The following IMMP2L variants were observed in gnomAD, a reference collection of about 807,000 sequenced individuals.
IMMP2L encodes mitochondrial inner membrane protease subunit 2.
A neutral mutation model predicts 19.3 loss-of-function variants in IMMP2L; 18 were observed. The ratio of observed to expected loss-of-function variants is 0.93; its 90% CI spans 0.64 to 1.38. The LOEUF is 1.38. IMMP2L is among the 40% of genes most tolerant of loss of function. IMMP2L has a pLI of 0.00. For missense variants in IMMP2L, 233 were observed against 218.2 expected, an observed-to-expected ratio of 1.07 and a Z score of -0.43; for synonymous variants, 76 against 73.0, an observed-to-expected ratio of 1.04 and a Z score of -0.21.
At chr7:111,284,396 G>A (rs139477727) in intron 3 of IMMP2L, among the ~76,000 whole-genome samples, 83 of 152,188 alleles carry the variant, frequency 5.5e-4, no homozygotes, top group African/African-American at 1.9e-3. Flanking sequence ...CACCCATTGT[G>A]GCAGTTAGAC....
At chr7:111,033,572 G>C (rs1009513951) in intron 3 of IMMP2L, among the ~76,000 whole-genome samples, 1 of 152,100 alleles carries the variant, frequency 6.6e-6, no homozygotes, top group African/African-American at 2.4e-5. Flanking sequence ...AAACAACTAA[G>C]ATATCCTTCA....
At chr7:110,876,103 G>A (rs911652587) in intron 5 of IMMP2L, among the ~76,000 whole-genome samples, 1 of 152,040 alleles carries the variant, frequency 6.6e-6, no homozygotes, top group Admixed American at 6.6e-5. Flanking sequence ...ATGTGTTGAT[G>A]TATTGAAAAT....
At chr7:111,070,050 T>A (rs1286259844) in intron 3 of IMMP2L, among the ~76,000 whole-genome samples, 1 of 152,014 alleles carries the variant, frequency 6.6e-6, no homozygotes, top group East Asian at 1.9e-4. Context: ...CAACACAGAT[T>A]TACAGGTTGG....
intron 3 of IMMP2L, among the ~76,000 whole-genome samples, chr7:111,077,808 G>A (rs917131221): frequency 2.6e-5 from 4 of 152,108 alleles, no homozygotes; most frequent in African/African-American, 7.2e-5. Flanking sequence ...CAGGCCTCGC[G>A]TCCTAACACT....
chr7:110,898,116 TATA>T (rs1414697737), intron 4 of IMMP2L, among the ~76,000 whole-genome samples: 2 of 151,518 alleles, frequency 1.3e-5, no homozygotes, highest in East Asian at 3.9e-4. Context: ...TGTGGATTCA[TATA>T]AAAAGTAATT....
At chr7:111,228,622 G>T (rs184560030) in intron 3 of IMMP2L, among the ~76,000 whole-genome samples, 1 of 151,996 alleles carries the variant, frequency 6.6e-6, no homozygotes, top group African/African-American at 2.4e-5. Flanking sequence ...TATCCATTCC[G>T]AGAAACTGAC....
At chr7:110,854,307 C>T (rs1306317202) in intron 5 of IMMP2L, among the ~76,000 whole-genome samples, 1 of 151,812 alleles carries the variant, frequency 6.6e-6, no homozygotes, top group East Asian at 1.9e-4. Flanking sequence ...ATATTACATC[C>T]ACTATGCCTT....
At chr7:111,368,085 T>C (rs1165879032) in intron 3 of IMMP2L, among the ~76,000 whole-genome samples, 2 of 151,788 alleles carry the variant, frequency 1.3e-5, no homozygotes, top group East Asian at 3.9e-4. Flanking sequence ...CACTAGATAA[T>C]CCACATTTTA....
At chr7:110,775,580 T>TAC (rs1799329248) in intron 5 of IMMP2L, among the ~76,000 whole-genome samples, 1 of 152,090 alleles carries the variant, frequency 6.6e-6, no homozygotes, top group Non-Finnish European at 1.5e-5. Flanking sequence ...AACTTTCAAA[T>TAC]ACACACATTT....
intron 2 of IMMP2L, among the ~76,000 whole-genome samples, chr7:111,520,659 C>T (rs1846246926): frequency 6.6e-6 from 1 of 151,994 alleles, no homozygotes; most frequent in Non-Finnish European, 1.5e-5. Flanking sequence ...TACAGGAAAC[C>T]AAATCCTATA....
chr7:110,866,150 G>A (rs923129782), intron 5 of IMMP2L, among the ~76,000 whole-genome samples: 2 of 151,698 alleles, frequency 1.3e-5, no homozygotes, highest in Non-Finnish European at 2.9e-5. Context: ...TATTACATTT[G>A]TTGTTTTGGC....
At chr7:111,000,606 G>T (rs1248743817) in intron 3 of IMMP2L, among the ~76,000 whole-genome samples, 1 of 152,208 alleles carries the variant, frequency 6.6e-6, no homozygotes, top group Non-Finnish European at 1.5e-5. Context: ...TGCTTTGGGA[G>T]ACCAAGGCAG....
At chr7:111,497,136 G>C (rs940938563) in intron 2 of IMMP2L, among the ~76,000 whole-genome samples, 1 of 151,946 alleles carries the variant, frequency 6.6e-6, no homozygotes, top group Non-Finnish European at 1.5e-5. Context: ...ACTATAGAAC[G>C]CCCCATCAAA....
chr7:111,344,272 C>CT (rs1376047161), intron 3 of IMMP2L, among the ~76,000 whole-genome samples: 2 of 152,190 alleles, frequency 1.3e-5, no homozygotes, highest in Non-Finnish European at 2.9e-5. Context: ...TCCTCCAGAT[C>CT]TTGCAACATG....
chr7:111,382,350 G>C (rs907074085), intron 3 of IMMP2L, among the ~76,000 whole-genome samples: 2 of 151,884 alleles, frequency 1.3e-5, no homozygotes, highest in Non-Finnish European at 2.9e-5. Flanking sequence ...TATACACAAT[G>C]CCAGAAAAAA....
rs112612512 is a variant in IMMP2L at position 111,021,596 on chromosome 7, A to G, written c.240-58031T>C. Reference sequence around the variant, plus strand: ...GGGAACACCTCTTTATAAAACCATCAGATCATCTGGGCACGGTGGCTGACG... The same window carrying G: ...GGGAACACCTCTTTATAAAACCATCGGATCATCTGGGCACGGTGGCTGACG... On this transcript the variant is annotated intron_variant, in intron 3 of 5. Transcript: ENST00000405709. Among the ~76,000 whole-genome samples the G allele has an allele frequency of 8.0e-3, 1,211 of 152,320 alleles. 22 individuals carry two copies. Among genetic ancestry groups the G allele is most frequent in the African/African-American group, 0.028 (1,168 of 41,572 alleles).
chr7:110,820,535 T>C (rs913271404), intron 5 of IMMP2L, among the ~76,000 whole-genome samples: 2 of 151,916 alleles, frequency 1.3e-5, no homozygotes, highest in Non-Finnish European at 2.9e-5. Context: ...TCTGAACATA[T>C]ATGTTTCATA....
chr7:111,311,555 T>C (rs183904589), intron 3 of IMMP2L, among the ~76,000 whole-genome samples: 287 of 152,190 alleles, frequency 1.9e-3, no homozygotes, highest in Non-Finnish European at 3.4e-3. Flanking sequence ...TGAAGAAAGA[T>C]TTTTGGTATG....
At chr7:110,767,109 C>T (rs1798716904) in intron 5 of IMMP2L, among the ~76,000 whole-genome samples, 1 of 152,126 alleles carries the variant, frequency 6.6e-6, no homozygotes. Context: ...ATTTATTTTG[C>T]AAGATGCCAA....
Sources: gnomAD v4.1 joint callset for allele counts (sites outside exome capture counted in the v4.1 genomes callset) on GRCh38, gnomAD v4.1.1 for gene constraint, MANE v1.5 for transcripts, NCBI Gene and HGNC (gene_info 2026-07-23, HGNC 2026-07-21) for gene names.